Variants in TUT4 observed in about 807,000 individuals in gnomAD.
The protein encoded by TUT4 is terminal uridylyl transferase 4.
A neutral mutation model predicts 192.2 loss-of-function variants in TUT4; 36 were observed. The observed-to-expected ratio is 0.19, with a 90% CI of 0.14 to 0.25. TUT4 has a LOEUF of 0.25. Among genes scored for constraint, TUT4 ranks in the 10% least tolerant of loss-of-function variants. TUT4 has a pLI of 1.00. For synonymous variants in TUT4, 618 were observed against 666.0 expected, an observed-to-expected ratio of 0.93 and a Z score of 1.11; for missense variants, 1,493 against 1,957.2, an observed-to-expected ratio of 0.76 and a Z score of 4.47.
At chr1:52,514,150 T>A (rs17365027) in intron 3 of TUT4, among the ~76,000 whole-genome samples, 9,311 of 152,158 alleles carry the variant, frequency 0.061, 309 homozygotes, top group South Asian at 0.086. Context: ...AAGACATAAC[T>A]AAGTAAAAGG....
At chr1:52,429,259 A>AT (rs1314473553) in intron 28 of TUT4, among the ~76,000 whole-genome samples, 1 of 150,724 alleles carries the variant, frequency 6.6e-6, no homozygotes, top group Non-Finnish European at 1.5e-5. Context: ...GATTTTTTGT[A>AT]TTTTTTAAGT....
intron 24 of TUT4, among the ~76,000 whole-genome samples, chr1:52,440,205 T>C (rs1339599335): frequency 1.3e-5 from 2 of 152,216 alleles, no homozygotes; most frequent in Admixed American, 6.6e-5. Context: ...GTGGGGACGG[T>C]TGCACAATCC....
rs1405200743 is a variant in TUT4, at chr1:52,509,757, G to C, written c.883-45C>G. 11 of 1,092,136 alleles carry C rather than the reference G, an allele frequency of 1.0e-5. No homozygotes were observed. The South Asian group carries it at 1.4e-4, about 14-fold the overall frequency. The allele number at this position is 1,092,136 out of a possible 1,614,324, so 67.7% of individuals were successfully genotyped here. ...AAATGCACTTTATTCAGAAAACAGA[G>C]GAGTAAACTATTGACTATATAAGTG... On this transcript the variant is annotated intron_variant, in intron 3 of 29. Transcript: ENST00000257177.
At chr1:52,530,773 T>G (rs781667809) in intron 1 of TUT4, among the ~76,000 whole-genome samples, 32 of 152,246 alleles carry the variant, frequency 2.1e-4, no homozygotes, top group Non-Finnish European at 3.5e-4. Context: ...GAGGCTGAGG[T>G]AGGCTGATTG....
At chr1:52,444,961 G>A (rs1657029098) in intron 24 of TUT4, among the ~76,000 whole-genome samples, 1 of 148,896 alleles carries the variant, frequency 6.7e-6, no homozygotes, top group African/African-American at 2.5e-5. Flanking sequence ...GTATATACAT[G>A]TATATACATG....
intron 20 of TUT4, among the ~76,000 whole-genome samples, chr1:52,453,794 G>A (rs1028859607): frequency 6.6e-6 from 1 of 152,070 alleles, no homozygotes; most frequent in Non-Finnish European, 1.5e-5. Flanking sequence ...AGGGTGAGAA[G>A]AAATAAAACT....
intron 2 of TUT4, among the ~76,000 whole-genome samples, chr1:52,518,812 G>A (rs185258771): frequency 6.6e-6 from 1 of 152,288 alleles, no homozygotes; most frequent in Non-Finnish European, 1.5e-5. Context: ...TGGGGAAAGT[G>A]GGGAATGGGG....
In TUT4 at chr1:52,481,927, C is replaced by A; in HGVS notation, c.1516-4G>T. On this transcript the variant is annotated splice_region_variant and splice_polypyrimidine_tract_variant and intron_variant, in intron 9 of 29. Transcript: ENST00000257177. ...TTTGGGAGTCAATATAGCACAACTG[C>A]AAAATGAAGGGGAAAAAAGTACTAC... 1 of 1,496,530 alleles carries A rather than the reference C, an allele frequency of 6.7e-7. No individual in the cohort carries two copies. The highest frequency in any genetic ancestry group is 8.9e-7 in the Non-Finnish European group (1 of 1,129,002). 92.7% of individuals were successfully genotyped at this position (1,496,530 alleles called of 1,614,324 possible).
chr1:52,465,260 G>C, intron 15 of TUT4, 87 bp from the exon 16 acceptor site: 2 of 779,834 alleles, frequency 2.6e-6, no homozygotes, highest in South Asian at 2.1e-5. Flanking sequence ...AATACAACAT[G>C]CTCTTGTCCA....
chr1:52,448,516 G>A (rs1453861872), intron 20 of TUT4, among the ~76,000 whole-genome samples: 1 of 146,396 alleles, frequency 6.8e-6, no homozygotes, highest in African/African-American at 2.5e-5. Flanking sequence ...TTGAACTCAG[G>A]AGATTGAGGT....
chr1:52,490,625 T>C, intron 8 of TUT4, 107 bp downstream of exon 8: 1 of 835,382 alleles, frequency 1.2e-6, no homozygotes, highest in East Asian at 2.8e-5. Flanking sequence ...GTCATATTCA[T>C]CCAAGGAGAA....
chr1:52,527,033 A>G (rs1681974407), intron 1 of TUT4, among the ~76,000 whole-genome samples: 1 of 152,076 alleles, frequency 6.6e-6, no homozygotes, highest in Non-Finnish European at 1.5e-5. Flanking sequence ...CATCTCAAAG[A>G]TGGAGAATCC....
intron 28 of TUT4, among the ~76,000 whole-genome samples, chr1:52,426,676 A>G (rs1650060548): frequency 6.6e-6 from 1 of 152,246 alleles, no homozygotes; most frequent in South Asian, 2.1e-4. Flanking sequence ...CTAAGGGCTG[A>G]ATCTGAAGGG....
intron 1 of TUT4, among the ~76,000 whole-genome samples, chr1:52,533,782 G>A (rs1013136748): frequency 6.6e-6 from 1 of 152,048 alleles, no homozygotes; most frequent in African/African-American, 2.4e-5. Context: ...GGCCTGGCAT[G>A]GCGAAATCTC....
rs1301113597 is a variant in TUT4 at position 52,475,061 on chromosome 1, C to T, written c.2498G>A (p.Cys833Tyr). Residue 833 changes from cysteine to tyrosine, a missense_variant, in exon 13 of 30, where the codon TGT becomes TAT. Coordinates refer to ENST00000257177, the MANE Select transcript of TUT4 (RefSeq NM_001009881.3). ...CGACTTAGACAAATCAATGCAATTA[C>T]ATTGGCTGAGCTCTTTTTTTAAACA... The part of the protein sequence containing the change: ...ETCLKKELSQ[C>Y]NCIDLSKSPD... 1.9e-6 allele frequency: 3 copies of T among 1,614,140 alleles called. No individual in the cohort carries two copies. Among genetic ancestry groups the T allele is most frequent in the Non-Finnish European group, 2.5e-6 (3 of 1,180,016 alleles).
intron 14 of TUT4, among the ~76,000 whole-genome samples, chr1:52,469,432 T>C (rs1665077077): frequency 1.3e-5 from 2 of 152,200 alleles, no homozygotes. Context: ...ACAGTTCTGA[T>C]ACTGCTATAC....
At chr1:52,523,218 C>T (rs1680781227) in intron 2 of TUT4, among the ~76,000 whole-genome samples, 2 of 151,704 alleles carry the variant, frequency 1.3e-5, no homozygotes, top group Admixed American at 1.3e-4. Flanking sequence ...GTCTCGACCT[C>T]CTGACCTCAG....
intron 19 of TUT4, 79 bp from the exon 20 acceptor site, chr1:52,458,528 T>C: frequency 2.0e-6 from 2 of 983,714 alleles, no homozygotes; most frequent in Non-Finnish European, 3.0e-6. Context: ...TGCCACATCA[T>C]TTTTTTTAAC....
rs764446084 is a variant in TUT4 at position 52,472,007 on chromosome 1, T to C, written c.2823A>G (p.Pro941=). ...DFRKIDLKPL[P]PMTNRFREIL... is the part of the protein sequence containing the mutation. ...TTTCCCGAAATCGGTTTGTCATTGG[T>C]GGTAGAGGTTTTAAATCAATTTTCC... The change falls in exon 14 of 30, where the codon CCA becomes CCG. Residue 941 remains proline, a synonymous_variant. Coordinates refer to ENST00000257177, the MANE Select transcript of TUT4 (RefSeq NM_001009881.3). The C allele has an allele frequency of 1.2e-6, 2 of 1,613,920 alleles. No homozygotes were observed. Among genetic ancestry groups the C allele is most frequent in the Non-Finnish European group, 1.7e-6 (2 of 1,179,892 alleles).
Sources: gnomAD v4.1 joint callset for allele counts (sites outside exome capture counted in the v4.1 genomes callset) on GRCh38, gnomAD v4.1.1 for gene constraint, MANE v1.5 for transcripts, NCBI Gene and HGNC (gene_info 2026-07-23, HGNC 2026-07-21) for gene names.